Variants in DSCAM observed in about 807,000 individuals in gnomAD.
DSCAM encodes DS cell adhesion molecule.
In DSCAM, 47 loss-of-function variants were observed where a neutral mutation model predicts 217.7. The ratio of observed to expected loss-of-function variants is 0.22; its 90% CI spans 0.17 to 0.28. The LOEUF is 0.28. Ranked by LOEUF, DSCAM falls within the 10% of genes least tolerant of loss-of-function variation. The pLI is 1.00. For missense variants in DSCAM, 2,080 were observed against 2,618.3 expected (o/e 0.79, Z 4.49); for synonymous variants, 1,056 against 1,015.3 (o/e 1.04, Z -0.76).
intron 3 of DSCAM, among the ~76,000 whole-genome samples, chr21:40,613,400 A>G (rs376708031): frequency 2.0e-5 from 3 of 152,276 alleles, no homozygotes; most frequent in South Asian, 2.1e-4. Context: ...TTCATTTAAC[A>G]GTGATATTTT....
intron 3 of DSCAM, among the ~76,000 whole-genome samples, chr21:40,425,534 C>T (rs1049411037): frequency 1.3e-5 from 2 of 148,970 alleles, no homozygotes. Flanking sequence ...TTTTTTTACC[C>T]CCCCCTAAAA....
chr21:40,144,575 G>C lies in DSCAM; in HGVS notation c.3175C>G (p.Gln1059Glu), dbSNP rs751284537. 6.2e-7 allele frequency: 1 copy of C among 1,614,206 alleles called. No homozygotes were observed. Among genetic ancestry groups the C allele is most frequent in the South Asian group, 1.1e-5 (1 of 91,068 alleles). ...YTLDNLNKFT[Q>E]YGLVVQACNR... ...CAGGCCTGCACCACCAGGCCGTACT[G>C]AGTGAACTTATTCAGGTTGTCCAGG... Residue 1059 changes from glutamine to glutamate, a missense_variant, in exon 17 of 33, where the codon CAG becomes GAG. Gln to Glu is a conservative substitution (Grantham distance 29). Transcript: ENST00000400454. The surrounding 1 kb of genome is among the most constrained non-coding windows in gnomAD (Gnocchi z 4.8).
intron 3 of DSCAM, among the ~76,000 whole-genome samples, chr21:40,617,121 T>G (rs577746442): frequency 0.018 from 2,444 of 136,154 alleles, 36 homozygotes; most frequent in East Asian, 0.044. Context: ...GAACCAGTCT[T>G]TTTTTTTTTT....
chr21:40,136,251 G>C (rs1416346378), intron 18 of DSCAM, among the ~76,000 whole-genome samples: 13 of 152,204 alleles, frequency 8.5e-5, no homozygotes, highest in African/African-American at 3.1e-4. Context: ...TCTGAAGGAC[G>C]GGTCTTTCCA....
At chr21:40,259,432 G>T (rs1569028264) in intron 11 of DSCAM, among the ~76,000 whole-genome samples, 2 of 152,036 alleles carry the variant, frequency 1.3e-5, no homozygotes, top group Admixed American at 1.3e-4. Context: ...AAATACAGAA[G>T]CTAAGTAATA....
At chr21:40,311,672 T>C (rs1343864544) in intron 9 of DSCAM, among the ~76,000 whole-genome samples, 3 of 152,172 alleles carry the variant, frequency 2.0e-5, no homozygotes, top group African/African-American at 7.2e-5. Flanking sequence ...AGAAAAACTT[T>C]GATACATAGC....
chr21:40,553,628 A>T (rs1453135614), intron 3 of DSCAM, among the ~76,000 whole-genome samples: 7 of 152,230 alleles, frequency 4.6e-5, no homozygotes, highest in African/African-American at 9.6e-5. Context: ...TTCCTCTTCT[A>T]GCCAACAACT....
chr21:40,083,914 T>C lies in DSCAM; in HGVS notation c.4225A>G (p.Ile1409Val), dbSNP rs772130039. The C allele has an allele frequency of 5.1e-5, 83 of 1,612,214 alleles. No homozygotes were observed. In the South Asian group the frequency reaches 7.0e-4, roughly 14 times the overall value. ...WLPGDNGGSS[I>V]RGYILQYSED... Reference sequence around the variant, plus strand: ...ACAATCTATATCTTATTACCTCTGATAGAGCTGCCCCCGTTGTCTCCAGGG... The same window carrying C: ...ACAATCTATATCTTATTACCTCTGACAGAGCTGCCCCCGTTGTCTCCAGGG... Residue 1409 changes from isoleucine (I) to valine (V), a missense_variant, in exon 24 of 33, where the codon ATC becomes GTC. Transcript: ENST00000400454.
In DSCAM at chr21:40,189,119, G is replaced by A. The variant is rs762902524; in HGVS notation, c.2476C>T (p.Arg826Ter). 1.9e-6 allele frequency: 3 copies of A among 1,613,904 alleles called. No homozygotes were observed. Among genetic ancestry groups the A allele is most frequent in the African/African-American group, 1.3e-5 (1 of 74,876 alleles). The change falls in exon 12 of 33, where the codon CGA (arginine) becomes TGA (stop). Residue 826 changes from arginine to a stop codon, truncating the protein, a stop_gained. Transcript: ENST00000400454. LOFTEE classifies it high-confidence loss of function. ...PIIVRWEKED[R>*]IINPEMARYL... ...CGGGCCATCTCAGGGTTAATGATTC[G>A]GTCCTCCTTCTCCCAGCGGACTATA...
intron 3 of DSCAM, among the ~76,000 whole-genome samples, chr21:40,601,314 G>T (rs1037104869): frequency 2.0e-5 from 3 of 152,128 alleles, no homozygotes; most frequent in South Asian, 4.2e-4. Flanking sequence ...AATTCCAATT[G>T]TTTATTGCTG....
At chr21:40,685,760 T>C (rs1411093180) in intron 3 of DSCAM, among the ~76,000 whole-genome samples, 2 of 152,200 alleles carry the variant, frequency 1.3e-5, no homozygotes, top group Non-Finnish European at 2.9e-5. Flanking sequence ...TTGGGGACCT[T>C]TGACATGGGC....
intron 1 of DSCAM, among the ~76,000 whole-genome samples, chr21:40,809,969 C>G (rs1571725): frequency 0.77 from 117,026 of 152,148 alleles, 45,426 homozygotes; most frequent in South Asian, 0.85. Flanking sequence ...TGCATTGCAC[C>G]ATTGCCTCCT....
chr21:40,233,765 C>T (rs908108398), intron 11 of DSCAM, among the ~76,000 whole-genome samples: 4 of 152,196 alleles, frequency 2.6e-5, no homozygotes, highest in East Asian at 1.9e-4. Flanking sequence ...ATCTACTACA[C>T]ACAACTCGGC....
rs751655805 is a variant in DSCAM, at chr21:40,708,727, A to T, written c.88T>A (p.Ser30Thr). 2 of 1,604,120 alleles carry T rather than the reference A, an allele frequency of 1.2e-6. No individual in the cohort carries two copies. Among genetic ancestry groups the T allele is most frequent in the African/African-American group, 2.7e-5 (2 of 74,764 alleles). The change falls in exon 2 of 33, where the codon TCT (serine) becomes ACT (threonine). Residue 30 changes from serine (S) to threonine (T), a missense_variant. This residue lies in a region of DSCAM where 568 missense variants were observed against 678.1 expected (regional missense o/e 0.84). Transcript: ENST00000400454. Reference protein sequence around the residue: ...LHSSLYFVNASLQEVVFASTT... With the variant: ...LHSSLYFVNATLQEVVFASTT... ...CTGGCAAACACTACCTCTTGCAGAG[A>T]TGCATTGACAAAGTAGAGGCTGGAG...
chr21:40,468,309 C>T (rs987406352), intron 3 of DSCAM, among the ~76,000 whole-genome samples: 18 of 152,104 alleles, frequency 1.2e-4, no homozygotes, highest in Non-Finnish European at 5.9e-5. Flanking sequence ...CCTCCTCAAT[C>T]GATTGAGACC....
intron 28 of DSCAM, 29 bp from the exon 29 acceptor site, chr21:40,055,869 C>A: frequency 6.5e-7 from 1 of 1,548,298 alleles, no homozygotes; most frequent in Non-Finnish European, 8.9e-7. Context: ...AATGCATTAA[C>A]AAATCCAGTT....
chr21:40,674,745 G>A (rs1200565526), intron 3 of DSCAM, among the ~76,000 whole-genome samples: 1 of 146,214 alleles, frequency 6.8e-6, no homozygotes, highest in Non-Finnish European at 1.5e-5. Context: ...GCATTCTCCT[G>A]CCTCAGCCTC....
chr21:40,114,897 TAA>T (rs879634825), intron 20 of DSCAM, among the ~76,000 whole-genome samples: 1 of 152,110 alleles, frequency 6.6e-6, no homozygotes. Context: ...TGGCTATCAT[TAA>T]AAAGTCAGGA....
intron 15 of DSCAM, among the ~76,000 whole-genome samples, chr21:40,170,227 G>T (rs750730643): frequency 2.0e-5 from 3 of 152,186 alleles, no homozygotes; most frequent in Non-Finnish European, 4.4e-5. Flanking sequence ...GCCTCCCGCT[G>T]CAGCTGACAC....
Sources: allele counts gnomAD v4.1 joint callset (sites outside exome capture counted in the v4.1 genomes callset), GRCh38; gene constraint gnomAD v4.1.1; regional missense constraint gnomAD v4.1.1; non-coding constraint Gnocchi (gnomAD v3.1); transcripts MANE v1.5; gene names NCBI Gene and HGNC (gene_info 2026-07-23, HGNC 2026-07-21).